The following MTCL3 variants were observed in gnomAD, a reference collection of about 807,000 sequenced individuals.
The protein encoded by MTCL3 is MTCL family member 3, also known as microtubule cross-linking factor 3.
chr6:127,499,203 C>T, the MTCL3 span, among the ~76,000 whole-genome samples: 242 of 152,062 alleles, frequency 1.6e-3, no homozygotes, highest in African/African-American at 5.7e-3. Context: ...AATATTGTAC[C>T]CTTAAAAAGA....
At chr6:127,515,617 G>A in the MTCL3 span, 3 of 1,414,032 alleles carry the variant, frequency 2.1e-6, no homozygotes, top group South Asian at 3.3e-5. The surrounding 1 kb of genome is among the most constrained non-coding windows in gnomAD (Gnocchi z 4.3). Context: ...GGGCGCTGCC[G>A]CCTGCATGCC....
chr6:127,475,779 G>C, the MTCL3 span: 1 of 1,610,006 alleles, frequency 6.2e-7, no homozygotes, highest in Non-Finnish European at 8.5e-7. The surrounding 1 kb of genome is among the most constrained non-coding windows in gnomAD (Gnocchi z 7.3). Flanking sequence ...CGTCGCTGTC[G>C]CGGGGGCTGC....
chr6:127,487,997 C>T, the MTCL3 span, among the ~76,000 whole-genome samples: 1 of 152,156 alleles, frequency 6.6e-6, no homozygotes, highest in Non-Finnish European at 1.5e-5. Context: ...CTGTCAACTA[C>T]CAGCCCACTC....
the MTCL3 span, chr6:127,515,130 C>T: frequency 1.6e-6 from 2 of 1,245,756 alleles, no homozygotes; most frequent in Non-Finnish European, 2.3e-6. This position sits in a 1 kb window ranked among gnomAD's most constrained non-coding sequence, Gnocchi z 4.3. Context: ...CATTCCAATT[C>T]CAAATTCTCA....
At chr6:127,483,118 GA>G in the MTCL3 span, 11 of 638,280 alleles carry the variant, frequency 1.7e-5, no homozygotes, top group African/African-American at 5.7e-5. Context: ...ATAAAAGGAG[GA>G]AAAAAAATCC....
chr6:127,476,147 A>C, the MTCL3 span: 1 of 1,614,122 alleles, frequency 6.2e-7, no homozygotes, highest in Non-Finnish European at 8.5e-7. This position sits in a 1 kb window ranked among gnomAD's most constrained non-coding sequence, Gnocchi z 4.4. Flanking sequence ...GAGCCGTTGA[A>C]GTCATCGCCC....
the MTCL3 span, chr6:127,481,313 T>A: frequency 2.0e-6 from 2 of 985,370 alleles, no homozygotes; most frequent in South Asian, 9.4e-5. Context: ...GTGAGTTGGA[T>A]AAAGTGACAG....
chr6:127,482,543 C>G, the MTCL3 span, among the ~76,000 whole-genome samples: 1 of 152,188 alleles, frequency 6.6e-6, no homozygotes, highest in Non-Finnish European at 1.5e-5. The surrounding 1 kb of genome is among the most constrained non-coding windows in gnomAD (Gnocchi z 4.1). Context: ...TCTGACTTCC[C>G]TCTGCAACAT....
chr6:127,512,717 T>G, the MTCL3 span, among the ~76,000 whole-genome samples: 1 of 152,236 alleles, frequency 6.6e-6, no homozygotes, highest in Non-Finnish European at 1.5e-5. Context: ...GGTCAGAATC[T>G]TTCGTTGCTA....
At chr6:127,509,685 G>GT in the MTCL3 span, among the ~76,000 whole-genome samples, 1 of 152,124 alleles carries the variant, frequency 6.6e-6, no homozygotes, top group South Asian at 2.1e-4. Flanking sequence ...AACCAAGTTG[G>GT]TTAACACTCA....
the MTCL3 span, among the ~76,000 whole-genome samples, chr6:127,473,636 C>T: frequency 1.6e-4 from 25 of 152,132 alleles, no homozygotes; most frequent in South Asian, 1.5e-3. Context: ...TATCATAAAA[C>T]GATATTTTTC....
At chr6:127,500,982 T>C in the MTCL3 span, among the ~76,000 whole-genome samples, 1 of 152,180 alleles carries the variant, frequency 6.6e-6, no homozygotes, top group East Asian at 1.9e-4. Context: ...TGGCTAATTT[T>C]TTTGTATTTT....
the MTCL3 span, among the ~76,000 whole-genome samples, chr6:127,496,495 A>G: frequency 1.3e-5 from 2 of 152,370 alleles, no homozygotes; most frequent in East Asian, 3.9e-4. Context: ...CATGCAGACC[A>G]ATGAAAACTA....
chr6:127,495,540 A>G, the MTCL3 span, among the ~76,000 whole-genome samples: 132 of 152,344 alleles, frequency 8.7e-4, no homozygotes, highest in African/African-American at 2.8e-3. Context: ...TTCTATCAGG[A>G]TTAGAATCTT....
chr6:127,473,208 T>A, the MTCL3 span: 1 of 1,376,026 alleles, frequency 7.3e-7, no homozygotes, highest in Non-Finnish European at 9.4e-7. Context: ...ATACTTCTTT[T>A]ACTTCTTGTC....
chr6:127,473,820 A>G, the MTCL3 span, among the ~76,000 whole-genome samples: 1 of 152,188 alleles, frequency 6.6e-6, no homozygotes, highest in Non-Finnish European at 1.5e-5. Flanking sequence ...TCTCCAATGG[A>G]TACAGGACAC....
the MTCL3 span, chr6:127,473,274 GA>G: frequency 6.6e-7 from 1 of 1,512,210 alleles, no homozygotes; most frequent in South Asian, 1.3e-5. Context: ...GGTAAATGAT[GA>G]AAGATTTACA....
At chr6:127,473,194 A>C in the MTCL3 span, 2 of 1,344,250 alleles carry the variant, frequency 1.5e-6, no homozygotes, top group East Asian at 3.0e-5. Flanking sequence ...TTACTACAGA[A>C]ATTATACTTC....
the MTCL3 span, among the ~76,000 whole-genome samples, chr6:127,514,250 C>A: frequency 6.6e-6 from 1 of 152,142 alleles, no homozygotes; most frequent in African/African-American, 2.4e-5. Context: ...ACCAAACAGG[C>A]TGCAAGTTGG....
Sources: gnomAD v4.1 joint callset for allele counts (sites outside exome capture counted in the v4.1 genomes callset) on GRCh38, gnomAD v4.1.1 for gene constraint, Gnocchi (gnomAD v3.1) non-coding constraint, MANE v1.5 for transcripts, NCBI Gene and HGNC (gene_info 2026-07-23, HGNC 2026-07-21) for gene names.